Variants in EFHD1 observed in about 807,000 individuals in gnomAD.
The protein encoded by EFHD1 is EF-hand domain-containing protein D1.
In EFHD1, 10 loss-of-function variants were observed where a neutral mutation model predicts 17.2. The ratio of observed to expected loss-of-function variants is 0.58; its 90% CI spans 0.36 to 0.99. The LOEUF (loss-of-function observed/expected upper bound fraction) is 0.99. Ranked by LOEUF, EFHD1 falls within the 50% of genes least tolerant of loss-of-function variation. The pLI is 0.01. For synonymous variants in EFHD1, 153 were observed against 142.0 expected, an observed-to-expected ratio of 1.08 and a Z score of -0.55; for missense variants, 310 against 327.5, an observed-to-expected ratio of 0.95 and a Z score of 0.41.
chr2:232,671,709 AAG>A (rs1332628424), intron 2 of EFHD1, among the ~76,000 whole-genome samples: 1 of 151,660 alleles, frequency 6.6e-6, no homozygotes, highest in African/African-American at 2.4e-5. Context: ...CCTGGGCAAC[AAG>A]AGTGAAACTC....
upstream of EFHD1, among the ~76,000 whole-genome samples, chr2:232,630,009 G>A (rs1694175220): frequency 6.6e-6 from 1 of 152,032 alleles, no homozygotes; most frequent in African/African-American, 2.4e-5. Flanking sequence ...GAGTGCAATG[G>A]CTCGATCTTG....
At chr2:232,608,704 G>A (rs1425390243) in intron 1 of EFHD1, among the ~76,000 whole-genome samples, 1 of 152,062 alleles carries the variant, frequency 6.6e-6, no homozygotes, top group African/African-American at 2.4e-5. Context: ...GCGGAGGCGG[G>A]CGGAAAATGA....
chr2:232,647,643 C>CTTTT (rs79776217), intron 1 of EFHD1, among the ~76,000 whole-genome samples: 34 of 141,580 alleles, frequency 2.4e-4, no homozygotes, highest in African/African-American at 9.0e-4. Flanking sequence ...CCTGTTAGAA[C>CTTTT]TTTTTTTTTT....
chr2:232,672,320 T>A lies in EFHD1; in HGVS notation c.462T>A (p.Ile154=). 6.2e-7 allele frequency: 1 copy of A among 1,614,170 alleles called. No homozygotes were observed. Among genetic ancestry groups the A allele is most frequent in the Non-Finnish European group, 8.5e-7 (1 of 1,180,030 alleles). ...TCTTTCCCCTGTAGTTCCTGCTCAT[T>A]TTCCACAAGGCCGCGGCAGGGGAGC... ...GKLSFREFLL[I]FHKAAAGELQ... is the part of the protein sequence containing the mutation. Residue 154 remains isoleucine, a synonymous_variant, in exon 3 of 4, where the codon ATT becomes ATA. Coordinates refer to ENST00000264059, the MANE Select transcript of EFHD1 (RefSeq NM_025202.4).
In EFHD1 at chr2:232,633,838, G is replaced by A. The variant is rs1396747393; in HGVS notation, c.134G>A (p.Arg45His). The change falls in exon 1 of 4, where the codon CGT becomes CAT. Residue 45 changes from arginine to histidine, a missense_variant. Physicochemically the swap from Arg to His is conservative, Grantham distance 29 (BLOSUM62 0). Transcript: ENST00000264059. ...AAGCCCGAGCCCGAGCCTCCCGCCC[G>A]TGCGCCCACGGCCAGCGCCGACGCG... ...EPKPEPEPPA[R>H]APTASADAEL... 13 of 1,484,750 alleles carry A rather than the reference G, an allele frequency of 8.8e-6. No individual in the cohort carries two copies. In the African/African-American group the frequency reaches 1.0e-4, roughly 12 times the overall value. 92.0% of individuals were successfully genotyped at this position (1,484,750 alleles called of 1,614,324 possible). A position where few individuals can be genotyped will look rare whatever the true frequency, so the allele number is the denominator to read the frequency against.
At chr2:232,676,836 AG>A (rs1239805266) in intron 3 of EFHD1, among the ~76,000 whole-genome samples, 2 of 152,114 alleles carry the variant, frequency 1.3e-5, no homozygotes, top group Non-Finnish European at 2.9e-5. Flanking sequence ...TTTGGAGTAC[AG>A]GAGCAGTTTT....
At chr2:232,654,315 G>A (rs903971517) in intron 1 of EFHD1, among the ~76,000 whole-genome samples, 3 of 151,494 alleles carry the variant, frequency 2.0e-5, no homozygotes, top group Non-Finnish European at 4.4e-5. Context: ...CCTGGAGAAC[G>A]TTGCAGGCTT....
At chr2:232,651,897 A>T (rs1329469727) in intron 1 of EFHD1, among the ~76,000 whole-genome samples, 4 of 152,152 alleles carry the variant, frequency 2.6e-5, no homozygotes, top group African/African-American at 9.7e-5. Flanking sequence ...CCTTGGCATT[A>T]TGAGGACTGA....
At chr2:232,650,804 G>A (rs1162532873) in intron 1 of EFHD1, among the ~76,000 whole-genome samples, 2 of 151,324 alleles carry the variant, frequency 1.3e-5, no homozygotes, top group African/African-American at 4.9e-5. Context: ...CCTGACCTCA[G>A]GCAATCTGCT....
chr2:232,681,756 C>T lies in EFHD1; in HGVS notation c.*37C>T, dbSNP rs1296727669. On this transcript the variant is annotated 3_prime_UTR_variant, in exon 4 of 4. Coordinates refer to ENST00000264059, the MANE Select transcript of EFHD1 (RefSeq NM_025202.4). Reference sequence around the variant, plus strand: ...TTGCCCTCTGCCCACAGCTGTGCCTCACAGATGCCCCGAGAAGAGATGACT... The same window carrying T: ...TTGCCCTCTGCCCACAGCTGTGCCTTACAGATGCCCCGAGAAGAGATGACT... 3.1e-6 allele frequency: 5 copies of T among 1,605,184 alleles called. No individual in the cohort carries two copies. The Admixed American group carries it at 6.8e-5, about 22-fold the overall frequency.
chr2:232,676,107 A>C (rs538045554), intron 3 of EFHD1, among the ~76,000 whole-genome samples: 2 of 152,010 alleles, frequency 1.3e-5, no homozygotes, highest in African/African-American at 4.8e-5. Flanking sequence ...ACCCAGAGGC[A>C]GAGGTTGCAG....
At chr2:232,618,982 A>G (rs2106185459) in intron 1 of EFHD1, among the ~76,000 whole-genome samples, 1 of 151,854 alleles carries the variant, frequency 6.6e-6, no homozygotes, top group Non-Finnish European at 1.5e-5. Context: ...CATCTCTACT[A>G]AAAATACAAA....
At chr2:232,634,154 C>G in intron 1 of EFHD1, 148 bp downstream of exon 1, 1 of 1,429,942 alleles carries the variant, frequency 7.0e-7, no homozygotes, top group Non-Finnish European at 9.1e-7. Flanking sequence ...CTTGCGTGCT[C>G]GGGTCTATCT....
intron 1 of EFHD1, among the ~76,000 whole-genome samples, chr2:232,620,237 A>C (rs892592431): frequency 2.7e-5 from 4 of 150,364 alleles, no homozygotes; most frequent in African/African-American, 9.8e-5. Flanking sequence ...AAATACAAAA[A>C]ATTAGCCGGG....
At chr2:232,648,656 C>G (rs1694578613) in intron 1 of EFHD1, among the ~76,000 whole-genome samples, 1 of 152,042 alleles carries the variant, frequency 6.6e-6, no homozygotes, top group African/African-American at 2.4e-5. Context: ...CTGCCCTTCT[C>G]TGCCTTGAAC....
chr2:232,654,206 CAAAA>C (rs929121448), intron 1 of EFHD1, among the ~76,000 whole-genome samples: 2 of 82,624 alleles, frequency 2.4e-5, no homozygotes, highest in Non-Finnish European at 2.5e-5. Flanking sequence ...GACTCCATCT[CAAAA>C]AAAAAAAAAA....
intron 1 of EFHD1, 134 bp from the exon 2 acceptor site, chr2:232,662,668 A>G (rs912625725): frequency 8.4e-7 from 1 of 1,186,908 alleles, no homozygotes; most frequent in African/African-American, 1.6e-5. Context: ...CCTCTGGAGC[A>G]GGTGACCCAC....
rs1007983138 is a variant in EFHD1, at chr2:232,612,698, T to A, written c.14+6525T>A. ...TGGAAATAGAAAATAGTACAACTACTTTGGAAAATAGTTTGGTAGTTTCTT... is the reference window on the plus strand; with the variant it reads ...TGGAAATAGAAAATAGTACAACTACATTGGAAAATAGTTTGGTAGTTTCTT... On this transcript the variant is annotated intron_variant, in intron 1 of 3. Coordinates refer to the EFHD1 transcript ENST00000409613. 5.9e-5 allele frequency among the ~76,000 whole-genome samples: 9 copies of A among 152,000 alleles called. No homozygotes were observed. In the South Asian group the frequency reaches 1.9e-3, roughly 32 times the overall value.
At chr2:232,643,707 G>T (rs1694473992) in intron 1 of EFHD1, among the ~76,000 whole-genome samples, 1 of 143,132 alleles carries the variant, frequency 7.0e-6, no homozygotes, top group African/African-American at 2.6e-5. Context: ...GTTGTTTGAG[G>T]CAGTCTTGCT....
Sources: gnomAD v4.1 joint callset for allele counts (sites outside exome capture counted in the v4.1 genomes callset) on GRCh38, gnomAD v4.1.1 for gene constraint, MANE v1.5 for transcripts, NCBI Gene and HGNC (gene_info 2026-07-23, HGNC 2026-07-21) for gene names.